The following GPM6A variants were observed in gnomAD, a reference collection of about 807,000 sequenced individuals.
The protein encoded by GPM6A is neuronal membrane glycoprotein M6-a.
Under a neutral mutation model 32.1 loss-of-function variants are expected in GPM6A, and 7 were observed. The observed-to-expected ratio is 0.22, with a 90% CI of 0.12 to 0.41. The LOEUF is 0.41. Ranked by LOEUF, GPM6A falls within the 10% of genes least tolerant of loss-of-function variation. The pLI is 1.00. For missense variants in GPM6A, 235 were observed against 347.2 expected, an observed-to-expected ratio of 0.68 and a Z score of 2.57; for synonymous variants, 130 against 123.4, an observed-to-expected ratio of 1.05 and a Z score of -0.35.
chr4:175,727,991 G>A (rs1265825328), intron 1 of GPM6A, among the ~76,000 whole-genome samples: 1 of 133,810 alleles, frequency 7.5e-6, no homozygotes, highest in Admixed American at 8.0e-5. Flanking sequence ...GTGACAGAGC[G>A]AGACTCCGTT....
intron 2 of GPM6A, among the ~76,000 whole-genome samples, chr4:175,675,734 C>T (rs1299848896): frequency 6.6e-6 from 1 of 152,150 alleles, no homozygotes; most frequent in African/African-American, 2.4e-5. Flanking sequence ...ACCGCAGCCT[C>T]AACCTCCTGG....
chr4:175,681,054 G>A (rs1743655474), intron 2 of GPM6A, among the ~76,000 whole-genome samples: 2 of 152,162 alleles, frequency 1.3e-5, no homozygotes, highest in Non-Finnish European at 2.9e-5. Context: ...GAATATTGCA[G>A]CAATGAATAA....
At chr4:175,818,071 G>T (rs975484995) in intron 1 of GPM6A, among the ~76,000 whole-genome samples, 1 of 152,064 alleles carries the variant, frequency 6.6e-6, no homozygotes, top group Admixed American at 6.6e-5. Context: ...AATTACCAGG[G>T]CTGTAGTCAT....
At chr4:175,853,663 A>G (rs892234491) in intron 1 of GPM6A, among the ~76,000 whole-genome samples, 1 of 152,114 alleles carries the variant, frequency 6.6e-6, no homozygotes, top group Non-Finnish European at 1.5e-5. Context: ...AAGGAATTCA[A>G]AACAAAAAAG....
intron 4 of GPM6A, among the ~76,000 whole-genome samples, chr4:175,646,320 C>A (rs1055559625): frequency 6.6e-6 from 1 of 152,132 alleles, no homozygotes. Context: ...GCTAGATATA[C>A]AAAAGAATTC....
At chr4:175,907,122 T>C (rs1325125539) in intron 1 of GPM6A, 1 of 152,198 alleles carries the variant, frequency 6.6e-6, no homozygotes, top group African/African-American at 2.4e-5. Flanking sequence ...GGTAGCTTTC[T>C]GGCTGCCTTA....
chr4:175,986,754 T>C (rs1740988967), intron 1 of GPM6A, among the ~76,000 whole-genome samples: 1 of 152,168 alleles, frequency 6.6e-6, no homozygotes, highest in Non-Finnish European at 1.5e-5. Context: ...ACAGTGCATC[T>C]ACACACTTAC....
chr4:175,796,456 G>A (rs1413158661), intron 1 of GPM6A, among the ~76,000 whole-genome samples: 1 of 152,002 alleles, frequency 6.6e-6, no homozygotes, highest in Non-Finnish European at 1.5e-5. Flanking sequence ...CTACTTGATG[G>A]ATGAGAAAAT....
At chr4:175,930,541 C>G (rs945574618) in intron 1 of GPM6A, among the ~76,000 whole-genome samples, 22 of 151,498 alleles carry the variant, frequency 1.5e-4, no homozygotes, top group African/African-American at 5.3e-4. Context: ...TAAATTTAGA[C>G]AATTATACTC....
chr4:175,756,410 T>C (rs1732526398), intron 1 of GPM6A, among the ~76,000 whole-genome samples: 1 of 152,082 alleles, frequency 6.6e-6, no homozygotes, highest in Non-Finnish European at 1.5e-5. Flanking sequence ...GCAGAATATA[T>C]GGCAATCTTG....
At chr4:175,698,910 T>C (rs1744721139) in intron 2 of GPM6A, among the ~76,000 whole-genome samples, 1 of 152,208 alleles carries the variant, frequency 6.6e-6, no homozygotes, top group Admixed American at 6.5e-5. Context: ...TTTAGAGCTT[T>C]AGTAGATCTC....
intron 1 of GPM6A, among the ~76,000 whole-genome samples, chr4:175,767,934 A>C (rs17658641): frequency 0.016 from 2,510 of 152,320 alleles, 43 homozygotes; most frequent in South Asian, 0.026. Flanking sequence ...ACACTGAAAA[A>C]TCAGGTTGCC....
chr4:175,878,289 C>T (rs1737151438), intron 1 of GPM6A, among the ~76,000 whole-genome samples: 1 of 152,164 alleles, frequency 6.6e-6, no homozygotes, highest in African/African-American at 2.4e-5. Flanking sequence ...TAGTCAGTGC[C>T]CCAGTGGAGA....
intron 3 of GPM6A, among the ~76,000 whole-genome samples, chr4:175,672,086 G>C (rs1316413011): frequency 6.6e-6 from 1 of 151,998 alleles, no homozygotes; most frequent in African/African-American, 2.4e-5. Context: ...AGATAACCAA[G>C]TGCATCTCTC....
At chr4:175,802,830 C>T (rs571492009) in intron 1 of GPM6A, among the ~76,000 whole-genome samples, 56 of 151,990 alleles carry the variant, frequency 3.7e-4, no homozygotes, top group Non-Finnish European at 7.2e-4. Context: ...GACTTCATTG[C>T]CAGAATCACA....
intron 1 of GPM6A, among the ~76,000 whole-genome samples, chr4:175,764,307 G>A (rs892448012): frequency 1.3e-5 from 2 of 152,226 alleles, no homozygotes; most frequent in East Asian, 1.9e-4. Flanking sequence ...TTAGCAAAAC[G>A]TTTTCAAGAT....
At chr4:175,911,310 C>T (rs984951673) in intron 1 of GPM6A, among the ~76,000 whole-genome samples, 3 of 152,124 alleles carry the variant, frequency 2.0e-5, no homozygotes, top group African/African-American at 7.2e-5. Flanking sequence ...AAAAAATCCT[C>T]AAAACTCCTC....
upstream of GPM6A, chr4:175,812,326 TTTTTTTTTTTTTTTCC>T: frequency 7.2e-7 from 1 of 1,385,958 alleles, no homozygotes; most frequent in Non-Finnish European, 9.3e-7. Context: ...TTTTTTTTTT[TTTTTTTTTTTTTTTCC>T]TGGGAAGCTC....
intron 1 of GPM6A, among the ~76,000 whole-genome samples, chr4:175,868,865 T>C (rs1736818034): frequency 6.6e-6 from 1 of 152,242 alleles, no homozygotes; most frequent in Non-Finnish European, 1.5e-5. Flanking sequence ...CTGTTCTCAT[T>C]TGTTGCATGA....
Sources: allele counts gnomAD v4.1 joint callset (sites outside exome capture counted in the v4.1 genomes callset), GRCh38; gene constraint gnomAD v4.1.1; transcripts MANE v1.5; gene names NCBI Gene and HGNC (gene_info 2026-07-23, HGNC 2026-07-21).